RMST: variants seen among roughly 807,000 people sequenced by gnomAD.
The protein encoded by RMST is rhabdomyosarcoma 2 associated transcript, also known as long intergenic non-protein coding RNA 54.
At chr12:97,488,851 A>G (rs950863385) in intron 5 of RMST, among the ~76,000 whole-genome samples, 1 of 152,118 alleles carries the variant, frequency 6.6e-6, no homozygotes, top group Non-Finnish European at 1.5e-5. Context: ...TTTCTTTGGG[A>G]TGGAAATTTC....
intron 11 of RMST, among the ~76,000 whole-genome samples, chr12:97,558,313 T>A (rs530104104): frequency 6.6e-5 from 10 of 152,290 alleles, no homozygotes; most frequent in Middle Eastern, 6.8e-3. Context: ...GATGGCTTAT[T>A]TATCATCACA....
At chr12:97,552,205 A>G (rs1883356873) in intron 11 of RMST, 1 of 152,212 alleles carries the variant, frequency 6.6e-6, no homozygotes, top group Non-Finnish European at 1.5e-5. Flanking sequence ...TTGTGCATAG[A>G]GGAAGAATCA....
chr12:97,512,148 G>T (rs1253376478), intron 10 of RMST, among the ~76,000 whole-genome samples: 1 of 152,102 alleles, frequency 6.6e-6, no homozygotes, highest in East Asian at 1.9e-4. Context: ...GGTCTCGCTG[G>T]CTCAGGAGTG....
chr12:97,524,075 C>CAAAAAAAAAAAAAAAAAAAAAAA (rs537840796), intron 10 of RMST, among the ~76,000 whole-genome samples: 6 of 56,122 alleles, frequency 1.1e-4, no homozygotes, highest in African/African-American at 4.6e-4. Context: ...GACTCTGTCT[C>CAAAAAAAAAAAAAAAAAAAAAAA]AAAAAAAAAA....
rs77309329 is a variant in RMST, at chr12:97,543,429, G to A, written n.1545+12570G>A. 9.9e-5 allele frequency among the ~76,000 whole-genome samples: 15 copies of A among 152,036 alleles called. No individual in the cohort carries two copies. In the East Asian group the frequency reaches 2.9e-3, roughly 30 times the overall value. ...GAAAGTAAATGCTATAAGGACTGGC[G>A]ATTTTTCTGCCCTGTTTAATACTTT... On this transcript the variant is annotated intron_variant and non_coding_transcript_variant, in intron 11 of 13. Coordinates refer to ENST00000640149, the Ensembl canonical transcript of RMST.
intron 10 of RMST, among the ~76,000 whole-genome samples, chr12:97,516,527 T>A (rs1305522836): frequency 1.3e-5 from 2 of 152,072 alleles, no homozygotes; most frequent in Admixed American, 1.3e-4. Context: ...CTTTATAATT[T>A]ATAAAATTAA....
chr12:97,512,961 T>C (rs1012997554), intron 10 of RMST, among the ~76,000 whole-genome samples: 1 of 152,164 alleles, frequency 6.6e-6, no homozygotes, highest in Non-Finnish European at 1.5e-5. Flanking sequence ...AGGTGAGAAA[T>C]TGAGCACAGC....
intron 10 of RMST, among the ~76,000 whole-genome samples, chr12:97,508,703 C>T (rs934875359): frequency 6.6e-6 from 1 of 152,016 alleles, no homozygotes; most frequent in African/African-American, 2.4e-5. Flanking sequence ...TCTTTTTTAG[C>T]ATCATTGAGT....
chr12:97,478,213 C>T (rs899322005), intron 5 of RMST, among the ~76,000 whole-genome samples: 1 of 152,196 alleles, frequency 6.6e-6, no homozygotes, highest in Non-Finnish European at 1.5e-5. Context: ...GTATAGCTAT[C>T]GTTCCTAATT....
At chr12:97,477,628 G>A (rs1241399858) in intron 5 of RMST, among the ~76,000 whole-genome samples, 1 of 152,208 alleles carries the variant, frequency 6.6e-6, no homozygotes, top group Non-Finnish European at 1.5e-5. Flanking sequence ...TGATAGAAAA[G>A]CTACTCATAG....
At chr12:97,465,363 C>G (rs1873059714) in intron 4 of RMST, among the ~76,000 whole-genome samples, 1 of 152,122 alleles carries the variant, frequency 6.6e-6, no homozygotes, top group African/African-American at 2.4e-5. Context: ...ACTTAATGGT[C>G]TCTAGGCTTC....
intron 10 of RMST, among the ~76,000 whole-genome samples, chr12:97,520,054 CT>C (rs1266993729): frequency 6.6e-6 from 1 of 152,138 alleles, no homozygotes. Flanking sequence ...AGTTCAAGCG[CT>C]TGGTAAAGTC....
chr12:97,513,859 A>C (rs1238939383), intron 10 of RMST, among the ~76,000 whole-genome samples: 1 of 152,182 alleles, frequency 6.6e-6, no homozygotes, highest in Non-Finnish European at 1.5e-5. Context: ...GGTTATGTCC[A>C]GAAAAGAAAA....
At chr12:97,474,901 A>G (rs913523453) in intron 5 of RMST, among the ~76,000 whole-genome samples, 2 of 152,194 alleles carry the variant, frequency 1.3e-5, no homozygotes, top group South Asian at 2.1e-4. Context: ...AGGAGACGAT[A>G]CACCTCTTTG....
At chr12:97,497,536 C>T (rs142579160) in intron 10 of RMST, among the ~76,000 whole-genome samples, 114 of 152,270 alleles carry the variant, frequency 7.5e-4, no homozygotes, top group Middle Eastern at 6.8e-3. Context: ...GGCAACTCCA[C>T]GGCACTCTAG....
At chr12:97,518,806 T>G (rs1396844028) in intron 10 of RMST, among the ~76,000 whole-genome samples, 2 of 152,122 alleles carry the variant, frequency 1.3e-5, no homozygotes, top group African/African-American at 4.8e-5. Context: ...CTCGTTCTGT[T>G]TGTTGTCCAG....
At chr12:97,495,824 G>A (rs1417276437) in intron 9 of RMST, 5 of 152,126 alleles carry the variant, frequency 3.3e-5, no homozygotes, top group Non-Finnish European at 7.3e-5. Context: ...GGAGCACAGT[G>A]TCTTTGGCTC....
intron 11 of RMST, among the ~76,000 whole-genome samples, chr12:97,540,981 G>GAT (rs201496997): frequency 2.8e-5 from 4 of 143,286 alleles, no homozygotes; most frequent in Non-Finnish European, 6.0e-5. Context: ...TATAGATATA[G>GAT]ATAGATACAC....
At chr12:97,499,478 T>C (rs755235743) in intron 10 of RMST, among the ~76,000 whole-genome samples, 1 of 152,200 alleles carries the variant, frequency 6.6e-6, no homozygotes, top group Non-Finnish European at 1.5e-5. Context: ...TAGCAATGTA[T>C]GCTTAGAAAA....
Sources: allele counts gnomAD v4.1 joint callset (sites outside exome capture counted in the v4.1 genomes callset), GRCh38; gene constraint gnomAD v4.1.1; transcripts MANE v1.5; gene names NCBI Gene and HGNC (gene_info 2026-07-23, HGNC 2026-07-21).